The following CELF2 variants were observed in gnomAD, a reference collection of about 807,000 sequenced individuals.
CELF2 encodes the protein CUGBP Elav-like family member 2.
CELF2 carries 8 observed loss-of-function variants against 62.6 expected under a neutral mutation model. The observed-to-expected ratio is 0.13, with a 90% CI of 0.07 to 0.23. The LOEUF (loss-of-function observed/expected upper bound fraction) is 0.23. CELF2 is among the 10% of genes least tolerant of loss of function. CELF2 has a pLI of 1.00. For synonymous variants in CELF2, 258 were observed against 250.0 expected (o/e 1.03, Z -0.30); for missense variants, 333 against 671.0 (o/e 0.50, Z 5.56).
chr10:11,184,083 T>G (rs1258523325), intron 2 of CELF2, among the ~76,000 whole-genome samples: 6 of 152,266 alleles, frequency 3.9e-5, no homozygotes, highest in Non-Finnish European at 4.4e-5. Flanking sequence ...AGTTAATTTT[T>G]ATATTCAGCA....
rs144089273 is a variant in CELF2, at chr10:11,070,904, A to T, written c.74+52741A>T. The stretch of plus-strand genomic sequence containing the variant: ...ATACTTGGTAACCTTAGTGGGAGAT[A>T]CTCCAATAAAGTGATGAGATTATAG... On this transcript the variant is annotated intron_variant, in intron 1 of 12. Transcript: ENST00000633077. 1.9e-3 allele frequency among the ~76,000 whole-genome samples: 292 copies of T among 152,286 alleles called. 1 individual carries two copies. Among genetic ancestry groups the T allele is most frequent in the African/African-American group, 6.5e-3 (268 of 41,550 alleles).
rs983952196 is a variant in CELF2 at position 11,316,252 on chromosome 10, A to G, written c.1096+1994A>G. On this transcript the variant is annotated intron_variant, in intron 10 of 12. Coordinates refer to ENST00000633077, the MANE Select transcript of CELF2 (RefSeq NM_001326342.2). This position sits in a 1 kb window ranked among gnomAD's most constrained non-coding sequence, Gnocchi z 4.4. ...AGTCTGTATAGTTCATAGAAAACGA[A>G]GAAAGAATGTTTGTCATTTCAAATA... 6.6e-6 allele frequency among the ~76,000 whole-genome samples: 1 copy of G among 152,240 alleles called. No homozygotes were observed. Among genetic ancestry groups the G allele is most frequent in the African/African-American group, 2.4e-5 (1 of 41,454 alleles).
chr10:10,985,469 GC>G (rs1302452574), intron 2 of CELF2, among the ~76,000 whole-genome samples: 2 of 152,140 alleles, frequency 1.3e-5, no homozygotes, highest in Non-Finnish European at 1.5e-5. Flanking sequence ...AGAAGAAAGG[GC>G]CCTTTTGTAA....
At chr10:11,106,395 C>T (rs1331809259) in intron 1 of CELF2, among the ~76,000 whole-genome samples, 1 of 152,146 alleles carries the variant, frequency 6.6e-6, no homozygotes, top group African/African-American at 2.4e-5. Context: ...CACCACCGTG[C>T]CCGGCTAATT....
chr10:10,660,821 C>G, the CELF2 span, among the ~76,000 whole-genome samples: 4 of 152,186 alleles, frequency 2.6e-5, no homozygotes, highest in African/African-American at 9.6e-5. Flanking sequence ...AACAATCTTT[C>G]TCTATCCCTT....
chr10:10,614,092 G>GCAACAAA, the CELF2 span, among the ~76,000 whole-genome samples: 4 of 152,098 alleles, frequency 2.6e-5, no homozygotes, highest in African/African-American at 9.7e-5. Context: ...CATGAGAGTG[G>GCAACAAA]GCAGTAACCC....
At chr10:10,593,982 A>G in the CELF2 span, among the ~76,000 whole-genome samples, 2 of 152,224 alleles carry the variant, frequency 1.3e-5, no homozygotes, top group East Asian at 3.8e-4. Context: ...ATGAGCACCC[A>G]TGATGCATTA....
At chr10:10,526,987 A>G in the CELF2 span, among the ~76,000 whole-genome samples, 36 of 152,388 alleles carry the variant, frequency 2.4e-4, no homozygotes, top group African/African-American at 8.4e-4. Flanking sequence ...TGAGCTGCTC[A>G]GGCAAAATGT....
At chr10:11,127,706 C>G (rs2131699547) in intron 1 of CELF2, among the ~76,000 whole-genome samples, 1 of 152,274 alleles carries the variant, frequency 6.6e-6, no homozygotes, top group South Asian at 2.1e-4. Flanking sequence ...TGAGAATTGT[C>G]TGTTCATATC....
At chr10:11,174,269 A>G (rs2070157137) in intron 2 of CELF2, among the ~76,000 whole-genome samples, 1 of 152,210 alleles carries the variant, frequency 6.6e-6, no homozygotes, top group Non-Finnish European at 1.5e-5. Flanking sequence ...ACACACACAC[A>G]AATGGCAAGC....
chr10:10,856,049 G>T (rs753872994), intron 1 of CELF2, among the ~76,000 whole-genome samples: 1 of 152,136 alleles, frequency 6.6e-6, no homozygotes, highest in African/African-American at 2.4e-5. Flanking sequence ...TTCATGGATG[G>T]TGTCTTATGT....
At chr10:11,089,237 T>C (rs933130271) in intron 1 of CELF2, among the ~76,000 whole-genome samples, 1 of 152,184 alleles carries the variant, frequency 6.6e-6, no homozygotes, top group East Asian at 1.9e-4. Flanking sequence ...GAGCCATCTT[T>C]GAAACACACA....
intron 1 of CELF2, among the ~76,000 whole-genome samples, chr10:11,041,167 C>T (rs2061777658): frequency 6.6e-6 from 1 of 152,198 alleles, no homozygotes; most frequent in Admixed American, 6.5e-5. Flanking sequence ...CTTAAAAGAG[C>T]ACTAATTCCA....
intron 1 of CELF2, 54 bp downstream of exon 1, chr10:11,018,217 C>G (rs996357554): frequency 6.9e-7 from 1 of 1,456,072 alleles, no homozygotes; most frequent in Non-Finnish European, 9.2e-7. Context: ...CTCCCAGAGT[C>G]GGCGGCGCGA....
the CELF2 span, among the ~76,000 whole-genome samples, chr10:10,495,545 T>C: frequency 2.6e-5 from 4 of 152,190 alleles, no homozygotes; most frequent in Admixed American, 1.3e-4. Context: ...CTTTCATCCC[T>C]GTCCTCTCTA....
intron 11 of CELF2, among the ~76,000 whole-genome samples, chr10:11,322,641 T>G (rs901094647): frequency 5.3e-5 from 8 of 151,082 alleles, no homozygotes; most frequent in Admixed American, 4.0e-4. Flanking sequence ...ACTCATGGTT[T>G]TTTTTTTTTT....
intron 2 of CELF2, among the ~76,000 whole-genome samples, chr10:11,205,894 A>G (rs577639982): frequency 6.6e-6 from 1 of 152,322 alleles, no homozygotes; most frequent in South Asian, 2.1e-4. Flanking sequence ...AAAACAATCT[A>G]CAATAAGTAC....
chr10:11,041,477 G>T (rs1323354401), intron 1 of CELF2, among the ~76,000 whole-genome samples: 2 of 152,156 alleles, frequency 1.3e-5, no homozygotes, highest in Non-Finnish European at 2.9e-5. Flanking sequence ...CTCTGAGCAG[G>T]TTCACTCAGA....
Position 11,332,947 on chromosome 10 carries a change from C to T in CELF2, c.*3894C>T, listed in dbSNP as rs1037177873. ...CTCTCTCTGAGAACACGGTGTGTCT[C>T]GACACGTACCACGTACGTGGAAACA... On this transcript the variant is annotated 3_prime_UTR_variant, in exon 13 of 13. Coordinates refer to ENST00000633077, the MANE Select transcript of CELF2 (RefSeq NM_001326342.2). 1.3e-5 allele frequency: 2 copies of T among 152,614 alleles called. No individual in the cohort carries two copies. The highest frequency in any genetic ancestry group is 2.9e-5 in the Non-Finnish European group (2 of 68,036). The allele number at this position is 152,614 out of a possible 1,614,324, so 9.5% of individuals were successfully genotyped here.
Sources: gnomAD v4.1 joint callset for allele counts (sites outside exome capture counted in the v4.1 genomes callset) on GRCh38, gnomAD v4.1.1 for gene constraint, Gnocchi (gnomAD v3.1) non-coding constraint, MANE v1.5 for transcripts, NCBI Gene and HGNC (gene_info 2026-07-23, HGNC 2026-07-21) for gene names.